The following AKAP12 variants were observed in gnomAD, a reference collection of about 807,000 sequenced individuals.
The protein encoded by AKAP12 is A-kinase anchoring protein 12, also known as A-kinase anchor protein 12.
Under a neutral mutation model 79.9 loss-of-function variants are expected in AKAP12, and 32 were observed. The observed-to-expected ratio is 0.40, with a 90% confidence interval of 0.30 to 0.54. The LOEUF (loss-of-function observed/expected upper bound fraction) is 0.54. Among genes scored for constraint, AKAP12 ranks in the 20% least tolerant of loss-of-function variants. AKAP12 has a pLI of 0.48. For missense variants in AKAP12, 2,074 were observed against 2,177.0 expected (o/e 0.95, Z 0.94); for synonymous variants, 808 against 857.0 (o/e 0.94, Z 1.00).
chr6:151,258,321 T>G (rs2114694219), intron 2 of AKAP12, among the ~76,000 whole-genome samples: 1 of 152,338 alleles, frequency 6.6e-6, no homozygotes, highest in Admixed American at 6.5e-5. Context: ...TTTATGGTCA[T>G]GAAGAGGGAA....
At chr6:151,279,369 T>C (rs74882303) in intron 2 of AKAP12, among the ~76,000 whole-genome samples, 2,513 of 152,234 alleles carry the variant, frequency 0.017, 32 homozygotes, top group African/African-American at 0.034. Flanking sequence ...GTCAGTGTCA[T>C]GGAAGGGACT....
chr6:151,330,389 G>A (rs530153210), intron 3 of AKAP12, among the ~76,000 whole-genome samples: 23 of 152,296 alleles, frequency 1.5e-4, no homozygotes, highest in African/African-American at 2.4e-4. Context: ...TCTCCGCTTG[G>A]AGGTTTTCTG....
At chr6:151,305,002 GT>G (rs1374084612) in intron 2 of AKAP12, among the ~76,000 whole-genome samples, 1 of 152,200 alleles carries the variant, frequency 6.6e-6, no homozygotes, top group Non-Finnish European at 1.5e-5. Flanking sequence ...TATGTGTCTT[GT>G]TTGCTTGCTG....
At position 151,351,454 on chromosome 6, in the gene AKAP12, G is replaced by C. The variant is rs200401538; in HGVS notation, c.3063G>C (p.Pro1021=). The C allele has an allele frequency of 7.4e-6, 12 of 1,614,208 alleles. No individual in the cohort carries two copies. The Admixed American group carries it at 2.0e-4, about 27-fold the overall frequency. ...CAGACACCACAGAGGAGGCCACTCC[G>C]GTGCAGGAGGTGGAAGGTGGCGTAC... ...DSPDTTEEAT[P]VQEVEGGVPD... Residue 1021 remains proline, a synonymous_variant, in exon 4 of 5, where the codon CCG becomes CCC. Transcript: ENST00000402676. The surrounding 1 kb of genome is among the most constrained non-coding windows in gnomAD (Gnocchi z 4.4).
rs543491382 is a variant in AKAP12 at position 151,349,468 on chromosome 6, G to A, written c.1077G>A (p.Gln359=). The A allele has an allele frequency of 9.3e-6, 15 of 1,606,236 alleles. No individual in the cohort carries two copies. The African/African-American group carries it at 1.8e-4, about 19-fold the overall frequency. The part of the protein sequence containing the change: ...KLTASEQAHP[Q]EPAESAHEPR... ...CCGCCTCCGAGCAAGCCCACCCACAGGAGCCGGCAGAAAGTGCCCACGAGC... is the reference window on the plus strand; with the variant it reads ...CCGCCTCCGAGCAAGCCCACCCACAAGAGCCGGCAGAAAGTGCCCACGAGC... Residue 359 remains glutamine, a synonymous_variant, in exon 4 of 5, where the codon CAG becomes CAA. Coordinates refer to ENST00000402676, the MANE Select transcript of AKAP12 (RefSeq NM_005100.4).
chr6:151,285,246 T>A (rs1776476494), intron 2 of AKAP12, among the ~76,000 whole-genome samples: 1 of 152,208 alleles, frequency 6.6e-6, no homozygotes, highest in Non-Finnish European at 1.5e-5. Context: ...CTTTTCACTC[T>A]CAGAACTATT....
Position 151,327,176 on chromosome 6 carries a change from C to G in AKAP12, c.319+21273C>G, listed in dbSNP as rs1777551191. On this transcript the variant is annotated intron_variant, in intron 3 of 4. Transcript: ENST00000402676. ...TCTAGGACTTAAAATTTTCTCAATG[C>G]AACTGCTCCTGCAAAGCCATGCGCT... Among the ~76,000 whole-genome samples, 3 of 149,856 alleles carry G rather than the reference C, an allele frequency of 2.0e-5. 1 individual carries two copies. In the South Asian group the frequency reaches 6.3e-4, roughly 31 times the overall value.
At chr6:151,321,833 C>T (rs1777395296) in intron 3 of AKAP12, among the ~76,000 whole-genome samples, 1 of 151,190 alleles carries the variant, frequency 6.6e-6, no homozygotes, top group Non-Finnish European at 1.5e-5. Context: ...TTCTCCATTC[C>T]TTGTTATTGT....
intron 3 of AKAP12, among the ~76,000 whole-genome samples, chr6:151,327,006 G>A (rs1351028661): frequency 1.3e-5 from 2 of 151,934 alleles, no homozygotes; most frequent in African/African-American, 2.4e-5. Flanking sequence ...TAGTAGAGCC[G>A]GGGTTTCACC....
intron 3 of AKAP12, among the ~76,000 whole-genome samples, chr6:151,312,161 C>T (rs982090373): frequency 1.3e-5 from 2 of 152,158 alleles, no homozygotes; most frequent in African/African-American, 4.8e-5. Context: ...GTCTCTCACC[C>T]ACACTTTGGC....
chr6:151,297,572 CAAAAA>C (rs3029353), intron 2 of AKAP12, among the ~76,000 whole-genome samples: 6 of 122,414 alleles, frequency 4.9e-5, no homozygotes, highest in African/African-American at 1.2e-4. Context: ...GAGTTCGTCT[CAAAAA>C]AAAAAAAAAA....
chr6:151,322,358 C>A (rs541355851), intron 3 of AKAP12, among the ~76,000 whole-genome samples: 15 of 152,226 alleles, frequency 9.9e-5, no homozygotes, highest in African/African-American at 3.1e-4. Context: ...TACTCAGATT[C>A]TTTGCTCACT....
intron 2 of AKAP12, chr6:151,280,428 A>G (rs1379005412): frequency 1.3e-5 from 2 of 152,034 alleles, no homozygotes; most frequent in Non-Finnish European, 2.9e-5. Flanking sequence ...TTTCTGACAC[A>G]TTTACTTGTT....
intron 3 of AKAP12, among the ~76,000 whole-genome samples, chr6:151,336,699 C>T (rs1242108538): frequency 6.6e-6 from 1 of 152,296 alleles, no homozygotes; most frequent in Non-Finnish European, 1.5e-5. Context: ...ACTGAGATCA[C>T]ACCACTGCAC....
intron 3 of AKAP12, chr6:151,343,818 G>A (rs1338995516): frequency 4.3e-5 from 15 of 345,590 alleles, no homozygotes; most frequent in South Asian, 2.8e-4. Flanking sequence ...ATAGTTCATG[G>A]AAATACACTT....
chr6:151,257,120 G>A (rs1312094692), intron 2 of AKAP12, among the ~76,000 whole-genome samples: 3 of 151,966 alleles, frequency 2.0e-5, no homozygotes, highest in Non-Finnish European at 4.4e-5. Flanking sequence ...ATATAGTGTG[G>A]TGCTGAGGTT....
intron 2 of AKAP12, among the ~76,000 whole-genome samples, chr6:151,296,296 A>C (rs893944515): frequency 6.6e-6 from 1 of 152,182 alleles, no homozygotes; most frequent in African/African-American, 2.4e-5. Flanking sequence ...TTTTGACTCT[A>C]TGCTTTGATA....
chr6:151,312,111 T>C (rs369221310), intron 3 of AKAP12, among the ~76,000 whole-genome samples: 12 of 152,184 alleles, frequency 7.9e-5, no homozygotes, highest in East Asian at 7.7e-4. Flanking sequence ...CTCCTTTCCT[T>C]TTCTCTACAC....
At chr6:151,245,426 G>T (rs922824889) in intron 2 of AKAP12, among the ~76,000 whole-genome samples, 10 of 151,310 alleles carry the variant, frequency 6.6e-5, no homozygotes, top group African/African-American at 1.9e-4. Flanking sequence ...TTTCCGAGTC[G>T]CTGGGATTAC....
Sources: allele counts gnomAD v4.1 joint callset (sites outside exome capture counted in the v4.1 genomes callset), GRCh38; gene constraint gnomAD v4.1.1; non-coding constraint Gnocchi (gnomAD v3.1); transcripts MANE v1.5; gene names NCBI Gene and HGNC (gene_info 2026-07-23, HGNC 2026-07-21).